LRRC4C: variants seen among roughly 807,000 people sequenced by gnomAD.
LRRC4C encodes leucine rich repeat containing 4C.
In LRRC4C, 5 loss-of-function variants were observed where a neutral mutation model predicts 33.6. The observed-to-expected ratio is 0.15, with a 90% CI of 0.08 to 0.31. The LOEUF is 0.31. Among genes scored for constraint, LRRC4C ranks in the 10% least tolerant of loss-of-function variants. The pLI is 1.00. For synonymous variants in LRRC4C, 329 were observed against 302.0 expected, an observed-to-expected ratio of 1.09 and a Z score of -0.93; for missense variants, 560 against 796.7, an observed-to-expected ratio of 0.70 and a Z score of 3.58.
chr11:40,966,009 T>A (rs1348287263), intron 1 of LRRC4C, among the ~76,000 whole-genome samples: 4 of 152,128 alleles, frequency 2.6e-5, no homozygotes, highest in Non-Finnish European at 5.9e-5. Context: ...GAGCATGGAA[T>A]GTTCTTCCAT....
At chr11:40,295,702 AC>A (rs1450472343) in intron 4 of LRRC4C, among the ~76,000 whole-genome samples, 1 of 152,160 alleles carries the variant, frequency 6.6e-6, no homozygotes, top group East Asian at 1.9e-4. Context: ...TTTTCCTTAC[AC>A]ATGGATTGTG....
intron 1 of LRRC4C, among the ~76,000 whole-genome samples, chr11:41,402,895 A>T (rs1954079322): frequency 6.6e-6 from 1 of 152,112 alleles, no homozygotes; most frequent in Admixed American, 6.6e-5. Context: ...TTTAAATATG[A>T]ATAATCGAGA....
At chr11:40,974,449 G>C (rs889289589) in intron 1 of LRRC4C, among the ~76,000 whole-genome samples, 14 of 152,144 alleles carry the variant, frequency 9.2e-5, no homozygotes, top group African/African-American at 3.4e-4. Context: ...GATGCCAAAT[G>C]CTACAACGTC....
chr11:40,236,089 G>T (rs1865533519), intron 5 of LRRC4C, among the ~76,000 whole-genome samples: 1 of 150,742 alleles, frequency 6.6e-6, no homozygotes, highest in African/African-American at 2.4e-5. Flanking sequence ...ATCCTCTTCA[G>T]CCTATGAAAA....
At chr11:40,265,107 C>T (rs1056682098) in intron 4 of LRRC4C, among the ~76,000 whole-genome samples, 11 of 152,148 alleles carry the variant, frequency 7.2e-5, no homozygotes, top group Admixed American at 7.2e-4. Flanking sequence ...CCACTTTTAG[C>T]CAAATTAATT....
chr11:41,385,350 A>T (rs910775443), intron 1 of LRRC4C, among the ~76,000 whole-genome samples: 10 of 151,654 alleles, frequency 6.6e-5, no homozygotes, highest in Non-Finnish European at 1.0e-4. Flanking sequence ...TGTACTTGCC[A>T]ACCTACTGGG....
chr11:40,307,511 C>G (rs926276915), intron 4 of LRRC4C, among the ~76,000 whole-genome samples: 1 of 152,202 alleles, frequency 6.6e-6, no homozygotes, highest in African/African-American at 2.4e-5. Context: ...CCAATTCTTT[C>G]CAACTGCATG....
At chr11:40,420,143 G>A (rs1177057991) in intron 3 of LRRC4C, among the ~76,000 whole-genome samples, 2 of 152,176 alleles carry the variant, frequency 1.3e-5, no homozygotes, top group Non-Finnish European at 2.9e-5. Flanking sequence ...GTATGCAAAG[G>A]CAAATAGTTG....
chr11:40,601,407 T>C (rs2135809252), intron 3 of LRRC4C, among the ~76,000 whole-genome samples: 1 of 152,338 alleles, frequency 6.6e-6, no homozygotes, highest in African/African-American at 2.4e-5. Context: ...TCAGTAATTA[T>C]TCTTTATGAT....
chr11:41,434,441 G>A (rs1405975520), intron 1 of LRRC4C, among the ~76,000 whole-genome samples: 2 of 151,932 alleles, frequency 1.3e-5, no homozygotes, highest in Non-Finnish European at 2.9e-5. Context: ...AAAATCTTTG[G>A]TCAAGTCACT....
intron 1 of LRRC4C, among the ~76,000 whole-genome samples, chr11:41,012,873 A>T (rs1214328387): frequency 2.0e-5 from 3 of 152,130 alleles, no homozygotes; most frequent in African/African-American, 7.2e-5. Context: ...CCTATTGGCC[A>T]TCTGTATGTG....
At chr11:41,239,142 C>T (rs1948143899) in intron 1 of LRRC4C, among the ~76,000 whole-genome samples, 1 of 137,146 alleles carries the variant, frequency 7.3e-6, no homozygotes, top group African/African-American at 2.7e-5. Flanking sequence ...GGTGAAACCC[C>T]GTCTCTACTA....
At chr11:41,052,492 TC>T (rs1268386059) in intron 1 of LRRC4C, among the ~76,000 whole-genome samples, 1 of 151,738 alleles carries the variant, frequency 6.6e-6, no homozygotes, top group Non-Finnish European at 1.5e-5. Flanking sequence ...TCCATCTGCT[TC>T]CTTTACATGG....
At chr11:40,875,102 C>T (rs772855210) in intron 2 of LRRC4C, among the ~76,000 whole-genome samples, 2 of 151,906 alleles carry the variant, frequency 1.3e-5, no homozygotes, top group East Asian at 1.9e-4. Context: ...TATTTTAGTA[C>T]ACAAGAATGC....
chr11:41,001,352 T>C (rs542162304), intron 1 of LRRC4C, among the ~76,000 whole-genome samples: 3 of 152,276 alleles, frequency 2.0e-5, no homozygotes, highest in South Asian at 4.1e-4. Context: ...CATAAATCAG[T>C]TAAATTTCTA....
At chr11:40,235,510 A>G (rs1865495221) in intron 5 of LRRC4C, among the ~76,000 whole-genome samples, 1 of 152,220 alleles carries the variant, frequency 6.6e-6, no homozygotes, top group Non-Finnish European at 1.5e-5. Context: ...ATGGGAGTTG[A>G]GAATCAAGGC....
At chr11:41,377,589 T>A (rs1165482473) in intron 1 of LRRC4C, among the ~76,000 whole-genome samples, 12 of 152,176 alleles carry the variant, frequency 7.9e-5, no homozygotes, top group African/African-American at 2.9e-4. Flanking sequence ...TGGTACAGAA[T>A]CATTTCACAA....
rs1055026824 is a variant in LRRC4C at position 41,112,002 on chromosome 11, G to A, written c.-495-178279C>T. On this transcript the variant is annotated intron_variant, in intron 1 of 6. Coordinates refer to ENST00000528697, the MANE Select transcript of LRRC4C (RefSeq NM_001258419.2). ...AAGTTAAGAGATGACGAGTGAGAGA[G>A]GATGTAAAAAGTATTAGAAATACTT... 2.6e-5 allele frequency among the ~76,000 whole-genome samples: 4 copies of A among 151,952 alleles called. No individual in the cohort carries two copies. In the East Asian group the frequency reaches 5.8e-4, roughly 22 times the overall value.
At chr11:41,417,113 C>A (rs1014273299) in intron 1 of LRRC4C, among the ~76,000 whole-genome samples, 1 of 152,034 alleles carries the variant, frequency 6.6e-6, no homozygotes, top group Non-Finnish European at 1.5e-5. Context: ...TAAAATAGCA[C>A]AATTATCTAG....
Sources: allele counts gnomAD v4.1 joint callset (sites outside exome capture counted in the v4.1 genomes callset), GRCh38; gene constraint gnomAD v4.1.1; transcripts MANE v1.5; gene names NCBI Gene and HGNC (gene_info 2026-07-23, HGNC 2026-07-21).